Variants in TMEM196 observed in about 807,000 individuals in gnomAD.
TMEM196 encodes the protein transmembrane protein 196.
Under a neutral mutation model 20.0 loss-of-function variants are expected in TMEM196, and 17 were observed. That is an observed-to-expected ratio of 0.85 (90% confidence interval 0.58 to 1.27). The LOEUF (loss-of-function observed/expected upper bound fraction) is 1.27. Among genes scored for constraint, TMEM196 ranks in the 50% most tolerant of loss-of-function variants. TMEM196 has a pLI of 0.00. For missense variants in TMEM196, 267 were observed against 223.0 expected, an observed-to-expected ratio of 1.20 and a Z score of -1.26; for synonymous variants, 113 against 88.9, an observed-to-expected ratio of 1.27 and a Z score of -1.52.
intron 1 of TMEM196, among the ~76,000 whole-genome samples, chr7:19,752,955 G>T (rs1474501055): frequency 6.6e-6 from 1 of 152,046 alleles, no homozygotes; most frequent in African/African-American, 2.4e-5. Flanking sequence ...AAATTTCTTG[G>T]CCTGGCATCA....
At position 19,772,622 on chromosome 7, in the gene TMEM196, G is replaced by T; in HGVS notation, c.75C>A (p.Ser25Arg). Reference sequence around the variant, plus strand: ...TGAAGCTGACCGCCCCCACGGCCACGCTGGACACCCCCAGCCCTATCTCCA... The same window carrying T: ...TGAAGCTGACCGCCCCCACGGCCACTCTGGACACCCCCAGCCCTATCTCCA... ...SVLEIGLGVSSVAVGAVSFSL... is the reference protein window; with the variant it reads ...SVLEIGLGVSRVAVGAVSFSL... Residue 25 changes from serine to arginine, a missense_variant, in exon 1 of 5, where the codon AGC (serine) becomes AGA (arginine). By Grantham distance (110) the Ser-to-Arg change is moderately radical (BLOSUM62 -1). Coordinates refer to ENST00000405844, the MANE Select transcript of TMEM196 (RefSeq NM_001363562.2). 1 of 1,547,178 alleles carries T rather than the reference G, an allele frequency of 6.5e-7. No homozygotes were observed. Among genetic ancestry groups the T allele is most frequent in the South Asian group, 1.2e-5 (1 of 83,540 alleles).
At chr7:19,766,391 T>C (rs536856856) in intron 1 of TMEM196, among the ~76,000 whole-genome samples, 5 of 152,018 alleles carry the variant, frequency 3.3e-5, no homozygotes, top group Admixed American at 6.6e-5. Context: ...AACATCTATC[T>C]GCAGAGTGGC....
chr7:19,741,430 C>CGAA (rs1167947808), intron 1 of TMEM196, among the ~76,000 whole-genome samples: 3 of 152,166 alleles, frequency 2.0e-5, no homozygotes, highest in African/African-American at 7.2e-5. Flanking sequence ...TAATCAATTT[C>CGAA]AGCCAATTTT....
chr7:19,736,459 T>C (rs139549586), intron 1 of TMEM196, among the ~76,000 whole-genome samples: 9 of 148,958 alleles, frequency 6.0e-5, no homozygotes, highest in African/African-American at 2.2e-4. Context: ...CTGAAAGCAC[T>C]GTTTTTCAAA....
chr7:19,772,292 C>A (rs1365925497), intron 1 of TMEM196, among the ~76,000 whole-genome samples: 1 of 149,070 alleles, frequency 6.7e-6, no homozygotes, highest in Non-Finnish European at 1.5e-5. Flanking sequence ...AACCCCCCAC[C>A]CCCACCTTTA....
At chr7:19,735,260 A>T (rs1784356710) in intron 1 of TMEM196, among the ~76,000 whole-genome samples, 1 of 152,190 alleles carries the variant, frequency 6.6e-6, no homozygotes, top group African/African-American at 2.4e-5. Flanking sequence ...AGTTAGAAAA[A>T]AATTTAAAAA....
intron 1 of TMEM196, among the ~76,000 whole-genome samples, chr7:19,747,099 C>CA (rs1225608516): frequency 6.6e-6 from 1 of 151,024 alleles, no homozygotes. Context: ...ACTAAAAATA[C>CA]AAAAAATTAG....
Position 19,725,622 on chromosome 7 carries a change from G to A in TMEM196, c.351C>T (p.Gly117=). ...AAGTGAGCCAGGAAGAGAGAGTGCA[G>A]CCCCCGATCCCAATGCACGCGAGAG... ...SMSLACIGIG[G]CTLSSWLTCR... Residue 117 remains glycine (G), a synonymous_variant, in exon 3 of 5, where the codon GGC becomes GGT. Coordinates refer to ENST00000405844, the MANE Select transcript of TMEM196 (RefSeq NM_001363562.2). 1 of 1,614,124 alleles carries A rather than the reference G, an allele frequency of 6.2e-7. No homozygotes were observed.
chr7:19,758,617 G>A (rs1785309897), intron 1 of TMEM196, among the ~76,000 whole-genome samples: 2 of 152,148 alleles, frequency 1.3e-5, no homozygotes, highest in South Asian at 4.1e-4. Flanking sequence ...GATGAATTTA[G>A]AATAAATTAT....
chr7:19,756,524 G>A (rs556803255), intron 1 of TMEM196, among the ~76,000 whole-genome samples: 2 of 151,640 alleles, frequency 1.3e-5, no homozygotes, highest in Admixed American at 1.3e-4. Context: ...TCCTCCCATC[G>A]TCCACCCTCT....
At chr7:19,752,939 C>T (rs1051548916) in intron 1 of TMEM196, among the ~76,000 whole-genome samples, 2 of 152,068 alleles carry the variant, frequency 1.3e-5, no homozygotes, top group African/African-American at 4.8e-5. Context: ...AAATCAATGT[C>T]TCTCCAAATT....
chr7:19,735,536 G>T (rs1784367559), intron 1 of TMEM196, among the ~76,000 whole-genome samples: 1 of 151,934 alleles, frequency 6.6e-6, no homozygotes, highest in Non-Finnish European at 1.5e-5. Context: ...ATTCTTTTCT[G>T]TACAAGAAAG....
chr7:19,747,760 A>G (rs1189364324), intron 1 of TMEM196, among the ~76,000 whole-genome samples: 1 of 152,190 alleles, frequency 6.6e-6, no homozygotes, highest in African/African-American at 2.4e-5. Context: ...ACAGAAAAAT[A>G]TTTTGTTAGT....
At chr7:19,764,111 G>A (rs1386535213) in intron 1 of TMEM196, among the ~76,000 whole-genome samples, 2 of 152,110 alleles carry the variant, frequency 1.3e-5, no homozygotes, top group Admixed American at 6.5e-5. Flanking sequence ...ACCATCAACA[G>A]GAATGACACT....
At chr7:19,748,433 C>G (rs1784845196) in intron 1 of TMEM196, among the ~76,000 whole-genome samples, 1 of 152,150 alleles carries the variant, frequency 6.6e-6, no homozygotes, top group Admixed American at 6.5e-5. Flanking sequence ...ATACACACAA[C>G]CAGTCCATTT....
chr7:19,767,640 A>G (rs1452377653), intron 1 of TMEM196, among the ~76,000 whole-genome samples: 4 of 152,034 alleles, frequency 2.6e-5, no homozygotes, highest in Middle Eastern at 3.2e-3. Context: ...ATATTTATAA[A>G]TTACTTGTAT....
At chr7:19,755,125 C>T (rs570448773) in intron 1 of TMEM196, among the ~76,000 whole-genome samples, 3 of 152,296 alleles carry the variant, frequency 2.0e-5, no homozygotes, top group East Asian at 3.9e-4. Flanking sequence ...TTTTGAACAT[C>T]AGGATTCAGT....
intron 2 of TMEM196, among the ~76,000 whole-genome samples, chr7:19,728,703 T>G (rs180980042): frequency 1.3e-5 from 2 of 152,272 alleles, no homozygotes; most frequent in Non-Finnish European, 2.9e-5. Flanking sequence ...TAAACCACAC[T>G]TTTTCCTTAT....
chr7:19,772,217 C>T (rs190682310), intron 1 of TMEM196, among the ~76,000 whole-genome samples: 2 of 142,880 alleles, frequency 1.4e-5, no homozygotes, highest in Admixed American at 6.9e-5. Flanking sequence ...ACACCCCCCT[C>T]CCCCCGCCTC....
Sources: gnomAD v4.1 joint callset for allele counts (sites outside exome capture counted in the v4.1 genomes callset) on GRCh38, gnomAD v4.1.1 for gene constraint, MANE v1.5 for transcripts, NCBI Gene and HGNC (gene_info 2026-07-23, HGNC 2026-07-21) for gene names.